UBXN2A: variants seen among roughly 807,000 people sequenced by gnomAD.
UBXN2A encodes UBX domain protein 2A.
In UBXN2A, 28 loss-of-function variants were observed where a neutral mutation model predicts 28.4. The ratio of observed to expected loss-of-function variants is 0.99; its 90% CI spans 0.73 to 1.35. UBXN2A has a LOEUF of 1.35. UBXN2A is among the 40% of genes most tolerant of loss of function. The probability of loss-of-function intolerance (pLI) is 0.00; values close to 1 mark genes in which losing one functional copy is unlikely to be tolerated. For missense variants in UBXN2A, 253 were observed against 297.9 expected (o/e 0.85, Z 1.11); for synonymous variants, 97 against 103.6 (o/e 0.94, Z 0.39).
At chr2:23,966,051 A>T (rs1307644484) in intron 2 of UBXN2A, among the ~76,000 whole-genome samples, 1 of 152,152 alleles carries the variant, frequency 6.6e-6, no homozygotes, top group Non-Finnish European at 1.5e-5. Flanking sequence ...TACACTCATC[A>T]AAAGTGAAAC....
chr2:23,949,598 G>T (rs182459684), intron 1 of UBXN2A, among the ~76,000 whole-genome samples: 4 of 151,458 alleles, frequency 2.6e-5, no homozygotes, highest in Admixed American at 1.3e-4. Context: ...TTTATAGCCG[G>T]GCGTGGTTGC....
chr2:23,996,105 C>T (rs999610954), intron 6 of UBXN2A, among the ~76,000 whole-genome samples: 2 of 146,588 alleles, frequency 1.4e-5, no homozygotes, highest in Non-Finnish European at 3.0e-5. Context: ...CTTGCTCTGT[C>T]GCCAAGGCTG....
At position 24,000,059 on chromosome 2, in the gene UBXN2A, G is replaced by A. The variant is rs942904875; in HGVS notation, c.*192G>A. 2 of 545,762 alleles carry A rather than the reference G, an allele frequency of 3.7e-6. No individual in the cohort carries two copies. Among genetic ancestry groups the A allele is most frequent in the Non-Finnish European group, 6.3e-6 (2 of 316,304 alleles). 33.8% of individuals were successfully genotyped at this position (545,762 alleles called of 1,614,324 possible). A position where few individuals can be genotyped will look rare whatever the true frequency, so the allele number is the denominator to read the frequency against. On this transcript the variant is annotated 3_prime_UTR_variant, in exon 7 of 7. Coordinates refer to ENST00000309033, the MANE Select transcript of UBXN2A (RefSeq NM_181713.4). ...AGCATATGACTGGAAACTATATTCA[G>A]TGCACTTTCTCCAAAAGACTACCCA...
intron 2 of UBXN2A, among the ~76,000 whole-genome samples, chr2:23,961,858 T>C (rs1269621725): frequency 6.6e-6 from 1 of 150,524 alleles, no homozygotes; most frequent in Admixed American, 6.7e-5. Context: ...TTTTTTTTAT[T>C]TTTTGAGACA....
rs140758090 is a variant in UBXN2A at position 24,000,015 on chromosome 2, A to G, written c.*148A>G. Reference sequence around the variant, plus strand: ...TCTCCTGATGAGAAGATGTTTAGATAAGTACAAGTTAAGAAAGTAGCATAT... The same window carrying G: ...TCTCCTGATGAGAAGATGTTTAGATGAGTACAAGTTAAGAAAGTAGCATAT... On this transcript the variant is annotated 3_prime_UTR_variant, in exon 7 of 7. Transcript: ENST00000309033. 82 of 720,658 alleles carry G rather than the reference A, an allele frequency of 1.1e-4. No individual in the cohort carries two copies. In the African/African-American group the frequency reaches 1.3e-3, roughly 12 times the overall value. 44.6% of individuals were successfully genotyped at this position (720,658 alleles called of 1,614,324 possible).
chr2:24,000,726 G>T lies in UBXN2A; in HGVS notation c.*859G>T, dbSNP rs1317000948. The T allele has an allele frequency of 6.6e-6, 1 of 151,902 alleles. No individual in the cohort carries two copies. Among genetic ancestry groups the T allele is most frequent in the African/African-American group, 2.4e-5 (1 of 41,378 alleles). The allele number at this position is 151,902 out of a possible 1,614,324, so 9.4% of individuals were successfully genotyped here. Reference sequence around the variant, plus strand: ...TATTTTTTTAATTTAAAAAATAAAAGAATAAAATTGTGTAGCTCAGTATAG... The same window carrying T: ...TATTTTTTTAATTTAAAAAATAAAATAATAAAATTGTGTAGCTCAGTATAG... On this transcript the variant is annotated 3_prime_UTR_variant, in exon 7 of 7. Transcript: ENST00000309033.
chr2:23,939,374 T>C (rs1396925919), upstream of UBXN2A, among the ~76,000 whole-genome samples: 1 of 152,130 alleles, frequency 6.6e-6, no homozygotes, highest in Non-Finnish European at 1.5e-5. Flanking sequence ...TCTCCAACCA[T>C]GAGATCTGCA....
At chr2:23,943,104 C>T (rs1178316994) in intron 1 of UBXN2A, among the ~76,000 whole-genome samples, 4 of 151,896 alleles carry the variant, frequency 2.6e-5, no homozygotes, top group Non-Finnish European at 4.4e-5. Context: ...TACAGGCATG[C>T]GCCACCATGC....
At chr2:23,990,399 C>G (rs892613620) in intron 6 of UBXN2A, among the ~76,000 whole-genome samples, 1 of 151,738 alleles carries the variant, frequency 6.6e-6, no homozygotes, top group Non-Finnish European at 1.5e-5. Context: ...CTGACTGATT[C>G]AGCCATGTAA....
At chr2:23,980,629 T>C (rs1314751787) in intron 4 of UBXN2A, among the ~76,000 whole-genome samples, 9 of 152,090 alleles carry the variant, frequency 5.9e-5, no homozygotes, top group Non-Finnish European at 1.0e-4. Flanking sequence ...TTTATTTGTT[T>C]GTTTGTTTGT....
intron 1 of UBXN2A, among the ~76,000 whole-genome samples, chr2:23,943,143 G>C (rs1355808158): frequency 6.6e-6 from 1 of 152,034 alleles, no homozygotes; most frequent in African/African-American, 2.4e-5. Flanking sequence ...TTTTGGTAGA[G>C]ACGGGGTTTC....
At chr2:23,982,531 C>T (rs563106676) in intron 4 of UBXN2A, among the ~76,000 whole-genome samples, 2 of 152,042 alleles carry the variant, frequency 1.3e-5, no homozygotes, top group South Asian at 4.2e-4. Context: ...GGCAGTGGTT[C>T]ACGCCTATAA....
rs79413689 is a variant in UBXN2A at position 23,995,036 on chromosome 2, C to T, written c.585-4636C>T. ...CATTTTGGAGCTGCTAGAATCTCTCCTCAGTCGCTGTTTTCTGTTGGGTTC... is the reference window on the plus strand; with the variant it reads ...CATTTTGGAGCTGCTAGAATCTCTCTTCAGTCGCTGTTTTCTGTTGGGTTC... On this transcript the variant is annotated intron_variant, in intron 6 of 6. Coordinates refer to ENST00000309033, the MANE Select transcript of UBXN2A (RefSeq NM_181713.4). Among the ~76,000 whole-genome samples, 1,076 of 152,298 alleles carry T rather than the reference C, an allele frequency of 7.1e-3. 9 individuals are homozygous for T. The highest frequency in any genetic ancestry group is 0.025 in the African/African-American group (1,037 of 41,550).
intron 2 of UBXN2A, chr2:23,968,894 CTTTT>C (rs551302005): frequency 5.4e-5 from 7 of 130,622 alleles, no homozygotes; most frequent in South Asian, 2.5e-4. Context: ...TTTCTTTTTT[CTTTT>C]TTTTTTTTTT....
At chr2:23,956,422 A>C (rs1288768992) in intron 1 of UBXN2A, among the ~76,000 whole-genome samples, 1 of 152,038 alleles carries the variant, frequency 6.6e-6, no homozygotes, top group Non-Finnish European at 1.5e-5. Flanking sequence ...GCGCAGTCTC[A>C]GCTCACTGCA....
At chr2:23,940,273 C>A (rs1249787812), upstream of UBXN2A, 1 of 152,068 alleles carries the variant, frequency 6.6e-6, no homozygotes, top group Non-Finnish European at 1.5e-5. Context: ...GGTGAGCACA[C>A]ACCGAGCTGC....
chr2:23,957,386 T>C (rs1324527814), intron 1 of UBXN2A, among the ~76,000 whole-genome samples: 1 of 152,158 alleles, frequency 6.6e-6, no homozygotes, highest in Non-Finnish European at 1.5e-5. Context: ...CACTGCAACC[T>C]CTGCCTCCCA....
At chr2:23,978,594 G>A (rs1320779540) in intron 4 of UBXN2A, among the ~76,000 whole-genome samples, 3 of 151,364 alleles carry the variant, frequency 2.0e-5, no homozygotes, top group Admixed American at 2.0e-4. Context: ...CAGTGAGCCA[G>A]GATCACGCCA....
chr2:23,968,992 A>C (rs2150862456), intron 2 of UBXN2A: 1 of 149,676 alleles, frequency 6.7e-6, no homozygotes, highest in African/African-American at 2.5e-5. Context: ...TCCCAGGTTC[A>C]AGCGATTCTT....
Sources: gnomAD v4.1 joint callset for allele counts (sites outside exome capture counted in the v4.1 genomes callset) on GRCh38, gnomAD v4.1.1 for gene constraint, MANE v1.5 for transcripts, NCBI Gene and HGNC (gene_info 2026-07-23, HGNC 2026-07-21) for gene names.